UBE2Q2: variants seen among roughly 807,000 people sequenced by gnomAD.
UBE2Q2 encodes ubiquitin conjugating enzyme E2 Q2.
A neutral mutation model predicts 59.9 loss-of-function variants in UBE2Q2; 54 were observed. The ratio of observed to expected loss-of-function variants is 0.90; its 90% CI spans 0.72 to 1.13. UBE2Q2 has a LOEUF of 1.13. UBE2Q2 is among the 50% of genes most tolerant of loss of function. The pLI is 0.00. For missense variants in UBE2Q2, 433 were observed against 441.9 expected (o/e 0.98, Z 0.18); for synonymous variants, 165 against 155.2 (o/e 1.06, Z -0.47).
chr15:75,850,652 A>C (rs559872307), intron 1 of UBE2Q2, among the ~76,000 whole-genome samples: 1 of 152,166 alleles, frequency 6.6e-6, no homozygotes, highest in African/African-American at 2.4e-5. Context: ...TCTCAATGGA[A>C]CTATGTAAGT....
In UBE2Q2 at chr15:75,883,361, T is replaced by C. The variant is rs984025073; in HGVS notation, c.826-5T>C. The C allele has an allele frequency of 1.9e-6, 3 of 1,612,634 alleles. No homozygotes were observed. Among genetic ancestry groups the C allele is most frequent in the Admixed American group, 1.7e-5 (1 of 59,930 alleles). ...ATTAATTAAACTTGCTTATTTGCTT[T>C]TTAGGATAACTTTCCATTTGATCCT... is the stretch of plus-strand genomic sequence containing the variant. On this transcript the variant is annotated splice_region_variant and splice_polypyrimidine_tract_variant and intron_variant, in intron 8 of 12. Coordinates refer to ENST00000267938, the MANE Select transcript of UBE2Q2 (RefSeq NM_173469.4).
chr15:75,855,116 T>C (rs1358157742), intron 2 of UBE2Q2, among the ~76,000 whole-genome samples: 6 of 152,216 alleles, frequency 3.9e-5, no homozygotes, highest in African/African-American at 1.2e-4. Context: ...ATATTTTTCC[T>C]TTGCTAGTAA....
At chr15:75,844,156 CA>C (rs1896187035) in intron 1 of UBE2Q2, 2 of 1,432,922 alleles carry the variant, frequency 1.4e-6, no homozygotes, top group Non-Finnish European at 1.8e-6. Context: ...TTGTGGGGTC[CA>C]TGGCCGCCCT....
At chr15:75,858,984 TTC>T (rs1897071676) in intron 2 of UBE2Q2, among the ~76,000 whole-genome samples, 1 of 151,722 alleles carries the variant, frequency 6.6e-6, no homozygotes, top group South Asian at 2.1e-4. Flanking sequence ...ACCTGCTTCT[TTC>T]TCTTCATCTC....
chr15:75,851,452 A>G (rs1189260048), intron 1 of UBE2Q2, among the ~76,000 whole-genome samples: 2 of 152,158 alleles, frequency 1.3e-5, no homozygotes, highest in Admixed American at 6.5e-5. Flanking sequence ...ATTTTACAGT[A>G]TCAAAATACA....
intron 2 of UBE2Q2, among the ~76,000 whole-genome samples, chr15:75,855,265 C>T (rs913752908): frequency 2.0e-5 from 3 of 152,008 alleles, no homozygotes; most frequent in Admixed American, 1.3e-4. Context: ...CTGAGGCGGG[C>T]GGATCACTTG....
intron 2 of UBE2Q2, among the ~76,000 whole-genome samples, chr15:75,854,733 A>G (rs1896815321): frequency 1.3e-5 from 2 of 152,100 alleles, no homozygotes; most frequent in Admixed American, 6.5e-5. Flanking sequence ...AATTCTAACC[A>G]TTAAGCCAAA....
chr15:75,859,810 C>T (rs1897117323), intron 2 of UBE2Q2, 68 bp from the exon 3 acceptor site: 2 of 1,127,868 alleles, frequency 1.8e-6, no homozygotes, highest in Non-Finnish European at 2.5e-6. Flanking sequence ...TTACAGTAGT[C>T]ATAACATTAT....
At chr15:75,859,182 A>C (rs1036741809) in intron 2 of UBE2Q2, among the ~76,000 whole-genome samples, 2 of 152,250 alleles carry the variant, frequency 1.3e-5, no homozygotes, top group Non-Finnish European at 2.9e-5. Flanking sequence ...TCTGGACTTA[A>C]ACATGGAAAT....
rs28414676 is a variant in UBE2Q2, at chr15:75,860,215, C to G, written c.387+233C>G. On this transcript the variant is annotated intron_variant, in intron 3 of 12. Coordinates refer to ENST00000267938, the MANE Select transcript of UBE2Q2 (RefSeq NM_173469.4). Reference sequence around the variant, plus strand: ...CAATTGCCCTTCTCTCTACCACCACCTTTTTGTTAATATTGCTGGTTTCCG... The same window carrying G: ...CAATTGCCCTTCTCTCTACCACCACGTTTTTGTTAATATTGCTGGTTTCCG... Among the ~76,000 whole-genome samples, 185 of 152,294 alleles carry G rather than the reference C, an allele frequency of 1.2e-3. 1 individual carries two copies. The highest frequency in any genetic ancestry group is 4.5e-3 in the African/African-American group (185 of 41,564).
chr15:75,859,274 G>T (rs1205984808), intron 2 of UBE2Q2, among the ~76,000 whole-genome samples: 9 of 152,086 alleles, frequency 5.9e-5, no homozygotes, highest in Non-Finnish European at 1.2e-4. Flanking sequence ...AATATCAAGT[G>T]TTACAGGTTT....
intron 2 of UBE2Q2, among the ~76,000 whole-genome samples, chr15:75,856,799 C>T (rs1039763523): frequency 6.6e-6 from 1 of 151,986 alleles, no homozygotes; most frequent in African/African-American, 2.4e-5. Context: ...CAAAATTTAG[C>T]CGGGTGTGGT....
chr15:75,882,778 G>C (rs1336859532), intron 8 of UBE2Q2, among the ~76,000 whole-genome samples: 2 of 152,016 alleles, frequency 1.3e-5, no homozygotes, highest in Non-Finnish European at 2.9e-5. Flanking sequence ...ATTAAAGCTG[G>C]CTGTCATTCC....
At chr15:75,870,836 C>T (rs1897746227) in intron 4 of UBE2Q2, among the ~76,000 whole-genome samples, 1 of 152,098 alleles carries the variant, frequency 6.6e-6, no homozygotes, top group Admixed American at 6.5e-5. Flanking sequence ...AGGTGTGTTT[C>T]TATTTGGTGT....
chr15:75,885,195 C>G (rs1433589321), intron 9 of UBE2Q2, among the ~76,000 whole-genome samples: 1 of 152,070 alleles, frequency 6.6e-6, no homozygotes, highest in Non-Finnish European at 1.5e-5. Context: ...TCTCAGCTCA[C>G]TGCAACCTCT....
intron 8 of UBE2Q2, among the ~76,000 whole-genome samples, chr15:75,880,919 A>G (rs1035656651): frequency 1.3e-5 from 2 of 152,306 alleles, no homozygotes; most frequent in South Asian, 2.1e-4. Context: ...TAGCTTTTTT[A>G]TGTGTGTGTT....
At chr15:75,869,661 C>T (rs1303183917) in intron 4 of UBE2Q2, among the ~76,000 whole-genome samples, 1 of 152,128 alleles carries the variant, frequency 6.6e-6, no homozygotes, top group Non-Finnish European at 1.5e-5. Flanking sequence ...GGGCCTTAAT[C>T]CCATTAAGGA....
chr15:75,877,171 A>AT (rs1409782752), intron 6 of UBE2Q2, among the ~76,000 whole-genome samples: 12 of 145,938 alleles, frequency 8.2e-5, no homozygotes, highest in African/African-American at 3.0e-4. Flanking sequence ...AAAAAAAAAA[A>AT]AAAAAAAAAA....
chr15:75,877,091 G>A (rs1348297620), intron 6 of UBE2Q2, among the ~76,000 whole-genome samples: 1 of 141,110 alleles, frequency 7.1e-6, no homozygotes, highest in Non-Finnish European at 1.5e-5. Context: ...AACCCAGGAG[G>A]CAGAGGCTGT....
Sources: gnomAD v4.1 joint callset for allele counts (sites outside exome capture counted in the v4.1 genomes callset) on GRCh38, gnomAD v4.1.1 for gene constraint, MANE v1.5 for transcripts, NCBI Gene and HGNC (gene_info 2026-07-23, HGNC 2026-07-21) for gene names.